MTMR10: variants seen among roughly 807,000 people sequenced by gnomAD.
MTMR10 encodes the protein myotubularin-related protein 10.
Under a neutral mutation model 88.1 loss-of-function variants are expected in MTMR10, and 56 were observed. That is an observed-to-expected ratio of 0.64 (90% CI 0.51 to 0.79). MTMR10 has a LOEUF of 0.79. Ranked by LOEUF, MTMR10 falls within the 30% of genes least tolerant of loss-of-function variation. The pLI is 0.00. For synonymous variants in MTMR10, 380 were observed against 340.9 expected (o/e 1.11, Z -1.26); for missense variants, 883 against 924.7 (o/e 0.95, Z 0.58).
At chr15:30,929,594 TATATTAC>T in the MTMR10 span, among the ~76,000 whole-genome samples, 29 of 129,748 alleles carry the variant, frequency 2.2e-4, no homozygotes, top group African/African-American at 7.2e-4. Flanking sequence ...TTATATATTA[TATATTAC>T]ATATTACATA....
intron 2 of MTMR10, among the ~76,000 whole-genome samples, chr15:30,982,172 G>C (rs2030625856): frequency 6.6e-6 from 1 of 152,154 alleles, no homozygotes; most frequent in African/African-American, 2.4e-5. Flanking sequence ...GTCACAGACT[G>C]AGACATTGAG....
rs1181888759 is a variant in MTMR10, at chr15:30,945,261, T to C, written c.1548+1869A>G. Among the ~76,000 whole-genome samples the C allele has an allele frequency of 4.6e-5, 7 of 152,068 alleles. No individual in the cohort carries two copies. In the East Asian group the frequency reaches 1.4e-3, roughly 29 times the overall value. On this transcript the variant is annotated intron_variant, in intron 14 of 15. Coordinates refer to ENST00000435680, the MANE Select transcript of MTMR10 (RefSeq NM_017762.3). Reference sequence around the variant, plus strand: ...AGGGAGAGGGGGATTCATGTTAGTATTTGTCAGAAAAGGCTTTTGAAAGAG... The same window carrying C: ...AGGGAGAGGGGGATTCATGTTAGTACTTGTCAGAAAAGGCTTTTGAAAGAG...
intron 6 of MTMR10, among the ~76,000 whole-genome samples, chr15:30,965,515 T>A (rs1220611037): frequency 6.6e-6 from 1 of 152,228 alleles, no homozygotes; most frequent in East Asian, 1.9e-4. Flanking sequence ...CTGTACTTTT[T>A]TGACGTTATT....
chr15:30,977,636 T>C lies in MTMR10; in HGVS notation c.122-681A>G, dbSNP rs1025199060. On this transcript the variant is annotated intron_variant, in intron 2 of 15. Coordinates refer to ENST00000435680, the MANE Select transcript of MTMR10 (RefSeq NM_017762.3). ...TTAATTTCAAGATCTAAAAGTCAAC[T>C]AGACGCAGAACATTTTAAGCCATCT... Among the ~76,000 whole-genome samples the C allele has an allele frequency of 2.7e-5, 4 of 150,192 alleles. 1 individual carries two copies. The highest frequency in any genetic ancestry group is 2.6e-4 in the Admixed American group (4 of 15,204).
chr15:30,935,638 G>C (rs2062832223), downstream of MTMR10, among the ~76,000 whole-genome samples: 1 of 152,124 alleles, frequency 6.6e-6, no homozygotes, highest in Non-Finnish European at 1.5e-5. Context: ...TTTGGTAACA[G>C]AGGGGGTCCT....
At chr15:30,937,301 T>C, downstream of MTMR10, 3 of 1,554,458 alleles carry the variant, frequency 1.9e-6, no homozygotes, top group Middle Eastern at 1.7e-4. Flanking sequence ...AATGTAAGAT[T>C]TTCAAGAGTA....
Position 30,940,692 on chromosome 15 carries a change from T to C in MTMR10, c.*778A>G. 3.0e-6 allele frequency: 3 copies of C among 988,092 alleles called. No homozygotes were observed. Among genetic ancestry groups the C allele is most frequent in the Non-Finnish European group, 3.6e-6 (3 of 831,924 alleles). 61.2% of individuals were successfully genotyped at this position (988,092 alleles called of 1,614,324 possible). A position where few individuals can be genotyped will look rare whatever the true frequency, so the allele number is the denominator to read the frequency against. On this transcript the variant is annotated 3_prime_UTR_variant, in exon 16 of 16. Coordinates refer to ENST00000435680, the MANE Select transcript of MTMR10 (RefSeq NM_017762.3). ...CCAGTGGCTTTCAGAGGAACAAGAC[T>C]CTGGGGACTCCTGGCTATGAAGCTT...
At chr15:30,935,190 C>T (rs2140966865), downstream of MTMR10, among the ~76,000 whole-genome samples, 1 of 151,944 alleles carries the variant, frequency 6.6e-6, no homozygotes, top group Middle Eastern at 3.4e-3. Context: ...CACTTGTAGT[C>T]CCAGCTGCTT....
chr15:30,957,931 A>G lies in MTMR10; in HGVS notation c.935+932T>C, dbSNP rs544743815. ...GGTGGAGCTGGGTTTGTGGAAGCAC[A>G]TGGGTTTGCAAGGTGTCTGAAAAGT... On this transcript the variant is annotated intron_variant, in intron 9 of 15. Coordinates refer to ENST00000435680, the MANE Select transcript of MTMR10 (RefSeq NM_017762.3). Among the ~76,000 whole-genome samples, 5 of 152,320 alleles carry G rather than the reference A, an allele frequency of 3.3e-5. No individual in the cohort carries two copies. The East Asian group carries it at 5.8e-4, about 18-fold the overall frequency.
intron 11 of MTMR10, 149 bp from the exon 12 acceptor site, chr15:30,952,187 T>C: frequency 1.4e-6 from 1 of 725,208 alleles, no homozygotes. Flanking sequence ...GATAACCCAC[T>C]GTAAGCTGAA....
At chr15:30,929,873 A>G in the MTMR10 span, among the ~76,000 whole-genome samples, 1 of 93,458 alleles carries the variant, frequency 1.1e-5, no homozygotes, top group Non-Finnish European at 1.9e-5. Context: ...ATATATATAA[A>G]ATATATAATA....
intron 2 of MTMR10, among the ~76,000 whole-genome samples, chr15:30,982,089 A>G (rs933530793): frequency 2.1e-5 from 3 of 144,932 alleles, no homozygotes; most frequent in African/African-American, 7.9e-5. Context: ...AAAGAAAAGA[A>G]AAAGAAAAAA....
the MTMR10 span, among the ~76,000 whole-genome samples, chr15:30,923,349 G>A: frequency 5.3e-5 from 8 of 152,184 alleles, no homozygotes. Context: ...GAGAAAGCTT[G>A]TGTTTCTGTC....
intron 2 of MTMR10, among the ~76,000 whole-genome samples, chr15:30,986,819 G>A (rs146937517): frequency 2.5e-3 from 380 of 152,286 alleles, no homozygotes; most frequent in African/African-American, 8.8e-3. Context: ...CTGCGATACA[G>A]GCACATGACA....
chr15:30,943,257 A>G (rs2063111745), intron 14 of MTMR10, 185 bp from the exon 15 acceptor site: 1 of 1,354,846 alleles, frequency 7.4e-7, no homozygotes, highest in Non-Finnish European at 9.5e-7. Context: ...AGGGCCCCAC[A>G]GTCCCCATGA....
intron 6 of MTMR10, among the ~76,000 whole-genome samples, chr15:30,967,565 T>C (rs2063487507): frequency 6.6e-6 from 1 of 152,210 alleles, no homozygotes; most frequent in Admixed American, 6.5e-5. Context: ...TTAATATATC[T>C]TTTAGTTTTC....
chr15:30,958,132 T>C (rs2063352647), intron 9 of MTMR10, among the ~76,000 whole-genome samples: 1 of 152,148 alleles, frequency 6.6e-6, no homozygotes, highest in Non-Finnish European at 1.5e-5. Context: ...CATGTAGAAG[T>C]CAAGGTAGAC....
intron 6 of MTMR10, chr15:30,965,817 C>T (rs1034038049): frequency 3.1e-6 from 1 of 322,334 alleles, no homozygotes; most frequent in African/African-American, 2.2e-5. Context: ...TCTCAGATAA[C>T]TGCAGGGGAG....
chr15:30,976,125 T>C (rs1337120705), intron 3 of MTMR10, among the ~76,000 whole-genome samples: 4 of 144,518 alleles, frequency 2.8e-5, no homozygotes, highest in African/African-American at 5.1e-5. Flanking sequence ...AAAAAAAAGG[T>C]AGCTGGGTGC....
Sources: gnomAD v4.1 joint callset for allele counts (sites outside exome capture counted in the v4.1 genomes callset) on GRCh38, gnomAD v4.1.1 for gene constraint, MANE v1.5 for transcripts, NCBI Gene and HGNC (gene_info 2026-07-23, HGNC 2026-07-21) for gene names.